The following MYO3B variants were observed in gnomAD, a reference collection of about 807,000 sequenced individuals.
MYO3B encodes myosin IIIB.
MYO3B carries 156 observed loss-of-function variants against 174.6 expected under a neutral mutation model. The ratio of observed to expected loss-of-function variants is 0.89; its 90% CI spans 0.78 to 1.02. The LOEUF is 1.02. Ranked by LOEUF, MYO3B falls within the 50% of genes least tolerant of loss-of-function variation. The pLI is 0.00. For missense variants in MYO3B, 1,632 were observed against 1,639.4 expected, an observed-to-expected ratio of 1.00 and a Z score of 0.08; for synonymous variants, 563 against 569.1, an observed-to-expected ratio of 0.99 and a Z score of 0.15.
rs1336955264 is a variant in MYO3B at position 170,586,025 on chromosome 2, C to CAAAA, written c.3733+42040_3733+42043dup. Among the ~76,000 whole-genome samples, 4 of 151,924 alleles carry CAAAA rather than the reference C, an allele frequency of 2.6e-5. 1 individual carries two copies. The highest frequency in any genetic ancestry group is 5.9e-5 in the Non-Finnish European group (4 of 67,956). On this transcript the variant is annotated intron_variant, in intron 32 of 34. Coordinates refer to ENST00000408978, the MANE Select transcript of MYO3B (RefSeq NM_138995.5). ...GAGGAGACTTTGTCTCAAAACAAAA[C>CAAAA]AAAAAACAAACAAACAAACAAAAAT... is the stretch of plus-strand genomic sequence containing the variant.
intron 7 of MYO3B, among the ~76,000 whole-genome samples, chr2:170,238,230 C>A (rs936892388): frequency 6.6e-6 from 1 of 152,116 alleles, no homozygotes; most frequent in South Asian, 2.1e-4. Context: ...TGTATCCTTT[C>A]CCCAGAAAAG....
chr2:170,435,831 A>C (rs1038197147), intron 22 of MYO3B, among the ~76,000 whole-genome samples: 1 of 152,186 alleles, frequency 6.6e-6, no homozygotes, highest in African/African-American at 2.4e-5. Flanking sequence ...AAGTCCTATA[A>C]ACCCAGAGGG....
At chr2:170,356,512 A>ATCACC (rs2094122169) in intron 8 of MYO3B, among the ~76,000 whole-genome samples, 1 of 151,756 alleles carries the variant, frequency 6.6e-6, no homozygotes, top group South Asian at 2.1e-4. Flanking sequence ...ACAGGCATCC[A>ATCACC]TCACCACACC....
At chr2:170,321,318 T>G (rs2093824613) in intron 7 of MYO3B, among the ~76,000 whole-genome samples, 1 of 152,158 alleles carries the variant, frequency 6.6e-6, no homozygotes, top group South Asian at 2.1e-4. Flanking sequence ...TAGAAATTAC[T>G]GAAGCAGAAT....
Position 170,522,859 on chromosome 2 carries a change from G to T in MYO3B, c.3575+3319G>T, listed in dbSNP as rs943504885. 1.2e-3 allele frequency among the ~76,000 whole-genome samples: 181 copies of T among 152,258 alleles called. 2 individuals are homozygous for T. The highest frequency in any genetic ancestry group is 2.2e-3 in the Non-Finnish European group (147 of 68,026). ...ATACTCCTTGAGCTGTAGCCCTTTT[G>T]TAACAGTACTACTCAAAGTGCTTTT... On this transcript the variant is annotated intron_variant, in intron 30 of 34. Coordinates refer to ENST00000408978, the MANE Select transcript of MYO3B (RefSeq NM_138995.5).
At chr2:170,463,722 T>C (rs1237096612) in intron 24 of MYO3B, among the ~76,000 whole-genome samples, 1 of 138,446 alleles carries the variant, frequency 7.2e-6, no homozygotes, top group Non-Finnish European at 1.7e-5. Context: ...AAGTAGTTAA[T>C]AAAGTTCCAG....
intron 29 of MYO3B, among the ~76,000 whole-genome samples, chr2:170,518,760 G>A (rs185694523): frequency 1.1e-3 from 172 of 152,308 alleles, no homozygotes; most frequent in African/African-American, 3.9e-3. Flanking sequence ...TTCATTTCTA[G>A]TAAGTTTCCA....
rs201868398 is a variant in MYO3B, at chr2:170,386,355, G to GT, written c.1374+91dup. The GT allele has an allele frequency of 2.3e-4, 255 of 1,122,092 alleles. 1 individual carries two copies. In the African/African-American group the frequency reaches 3.1e-3, roughly 13 times the overall value. 69.5% of individuals were successfully genotyped at this position (1,122,092 alleles called of 1,614,324 possible). A position where few individuals can be genotyped will look rare whatever the true frequency, so the allele number is the denominator to read the frequency against. ...ATTTGATAAATGATGGAAGTGCTGG[G>GT]TTTTTTTTATTAAGGCTTACATAAA... On this transcript the variant is annotated intron_variant, in intron 13 of 34. Transcript: ENST00000408978.
In MYO3B at chr2:170,240,489, T is replaced by C. The variant is rs115503642; in HGVS notation, c.749+4353T>C. On this transcript the variant is annotated intron_variant, in intron 7 of 34. Transcript: ENST00000408978. ...ATGTTAGGCAGGCTTGCTTCCCTCC[T>C]TTTCAGGGAGGAAAAATGATTTGAA... 6.6e-3 allele frequency among the ~76,000 whole-genome samples: 1,007 copies of C among 152,290 alleles called. 13 individuals carry two copies. The highest frequency in any genetic ancestry group is 0.024 in the African/African-American group (978 of 41,560).
chr2:170,645,560 G>A (rs1370675062), intron 32 of MYO3B, among the ~76,000 whole-genome samples: 6 of 151,018 alleles, frequency 4.0e-5, no homozygotes, highest in Non-Finnish European at 7.4e-5. Context: ...GTAACTATCC[G>A]ATAACCATAC....
At chr2:170,473,810 C>CTTTG (rs1685138638) in intron 25 of MYO3B, among the ~76,000 whole-genome samples, 1 of 152,138 alleles carries the variant, frequency 6.6e-6, no homozygotes, top group Non-Finnish European at 1.5e-5. Flanking sequence ...AAGACTCTCT[C>CTTTG]GTTTTCCAGC....
chr2:170,181,640 T>C (rs1056672343), intron 1 of MYO3B, among the ~76,000 whole-genome samples: 1 of 152,186 alleles, frequency 6.6e-6, no homozygotes, highest in African/African-American at 2.4e-5. Context: ...TTGTTGTTTT[T>C]AAATTTTGAA....
intron 6 of MYO3B, among the ~76,000 whole-genome samples, chr2:170,218,882 C>T (rs2092860200): frequency 6.6e-6 from 1 of 152,204 alleles, no homozygotes; most frequent in Non-Finnish European, 1.5e-5. Flanking sequence ...TTGAGAAGCA[C>T]TGCAGGATAA....
At chr2:170,204,793 G>A (rs2105347026) in intron 3 of MYO3B, among the ~76,000 whole-genome samples, 1 of 152,280 alleles carries the variant, frequency 6.6e-6, no homozygotes, top group African/African-American at 2.4e-5. Context: ...CTCAGGGCTG[G>A]GGTGGGAGGC....
chr2:170,644,113 C>T (rs1698188392), intron 32 of MYO3B, among the ~76,000 whole-genome samples: 3 of 152,146 alleles, frequency 2.0e-5, no homozygotes, highest in South Asian at 2.1e-4. Flanking sequence ...TTGTGACTTA[C>T]AACTGTGCAT....
chr2:170,625,667 TC>T (rs774598718), intron 32 of MYO3B, among the ~76,000 whole-genome samples: 7 of 152,234 alleles, frequency 4.6e-5, no homozygotes, highest in Admixed American at 4.6e-4. Flanking sequence ...TTTAGATCTT[TC>T]CTGCTTTCTC....
chr2:170,226,052 A>G (rs78573742), intron 6 of MYO3B, among the ~76,000 whole-genome samples: 3,242 of 152,268 alleles, frequency 0.021, 138 homozygotes, highest in African/African-American at 0.074. Context: ...CTCATATTCC[A>G]TGGCTCTGAT....
intron 32 of MYO3B, among the ~76,000 whole-genome samples, chr2:170,605,782 C>T: frequency 6.6e-6 from 1 of 152,040 alleles, no homozygotes; most frequent in East Asian, 1.9e-4. Context: ...ATTGCTTGAA[C>T]CCAGGAGGCA....
Position 170,499,807 on chromosome 2 carries a change from A to ACT in MYO3B, c.3288_3289insCT (p.Ala1097LeufsTer15). Reference sequence around the variant, plus strand: ...AGAAGGGAGCCATTGCCATCCAGTCAGGTAAATGGTCCTGTTCTCATAAAT... The same window carrying ACT: ...AGAAGGGAGCCATTGCCATCCAGTCACTGGTAAATGGTCCTGTTCTCATAAAT... On this transcript the variant is annotated frameshift_variant and splice_region_variant, in exon 27 of 35. Coordinates refer to ENST00000408978, the MANE Select transcript of MYO3B (RefSeq NM_138995.5). LOFTEE classifies it high-confidence loss of function. 6.2e-7 allele frequency: 1 copy of ACT among 1,613,746 alleles called. No homozygotes were observed. Among genetic ancestry groups the ACT allele is most frequent in the East Asian group, 2.2e-5 (1 of 44,872 alleles).
Sources: allele counts gnomAD v4.1 joint callset (sites outside exome capture counted in the v4.1 genomes callset), GRCh38; gene constraint gnomAD v4.1.1; transcripts MANE v1.5; gene names NCBI Gene and HGNC (gene_info 2026-07-23, HGNC 2026-07-21).